The following SLC7A8 variants were observed in gnomAD, a reference collection of about 807,000 sequenced individuals.
The protein encoded by SLC7A8 is large neutral amino acids transporter small subunit 2.
Under a neutral mutation model 51.2 loss-of-function variants are expected in SLC7A8, and 30 were observed. That is an observed-to-expected ratio of 0.59 (90% CI 0.44 to 0.80). SLC7A8 has a LOEUF of 0.80. Ranked by LOEUF, SLC7A8 falls within the 30% of genes least tolerant of loss-of-function variation. SLC7A8 has a pLI of 0.00. For missense variants in SLC7A8, 612 were observed against 674.4 expected, an observed-to-expected ratio of 0.91 and a Z score of 1.03; for synonymous variants, 257 against 275.8, an observed-to-expected ratio of 0.93 and a Z score of 0.67.
intron 3 of SLC7A8, among the ~76,000 whole-genome samples, chr14:23,156,019 A>G (rs2048890116): frequency 6.8e-6 from 1 of 147,940 alleles, no homozygotes; most frequent in East Asian, 2.0e-4. Context: ...TTTTTTTGAG[A>G]TGGAGTTTCG....
chr14:23,154,167 C>G, intron 3 of SLC7A8: 6 of 832,820 alleles, frequency 7.2e-6, no homozygotes, highest in Non-Finnish European at 8.8e-6. Context: ...GCAAAACAGG[C>G]ACCTTTCTGG....
At chr14:23,152,071 A>G (rs1425454936) in intron 3 of SLC7A8, among the ~76,000 whole-genome samples, 3 of 152,016 alleles carry the variant, frequency 2.0e-5, no homozygotes, top group East Asian at 3.9e-4. Flanking sequence ...ACAAAACAAA[A>G]GCAAAGAAAA....
chr14:23,167,724 C>A (rs1310822757), intron 1 of SLC7A8, among the ~76,000 whole-genome samples: 1 of 152,050 alleles, frequency 6.6e-6, no homozygotes, highest in Non-Finnish European at 1.5e-5. Context: ...CTGCTAAATG[C>A]CTGAGGAAAG....
intron 5 of SLC7A8, among the ~76,000 whole-genome samples, chr14:23,139,994 G>A (rs567283507): frequency 1.3e-5 from 2 of 152,080 alleles, no homozygotes; most frequent in Non-Finnish European, 2.9e-5. Flanking sequence ...GTGACAGGGT[G>A]AGACCCTGTC....
intron 1 of SLC7A8, among the ~76,000 whole-genome samples, chr14:23,178,901 A>AG: frequency 6.6e-6 from 1 of 151,092 alleles, no homozygotes; most frequent in East Asian, 1.9e-4. Context: ...AAAAAAAAAA[A>AG]AAAAAAAATG....
chr14:23,169,815 G>C (rs1282502505), intron 1 of SLC7A8, among the ~76,000 whole-genome samples: 1 of 152,194 alleles, frequency 6.6e-6, no homozygotes, highest in Non-Finnish European at 1.5e-5. Context: ...AAGAAACTGA[G>C]ACCTAGAAAG....
intron 1 of SLC7A8, among the ~76,000 whole-genome samples, chr14:23,175,214 G>GTGTT (rs772359532): frequency 1.0e-3 from 152 of 152,176 alleles, no homozygotes; most frequent in African/African-American, 3.2e-3. Context: ...GTGGTGTTTT[G>GTGTT]TGTTTGTTTG....
At chr14:23,163,209 G>A (rs1170525848) in intron 3 of SLC7A8, among the ~76,000 whole-genome samples, 1 of 152,120 alleles carries the variant, frequency 6.6e-6, no homozygotes, top group Admixed American at 6.6e-5. Context: ...CTGTGCTGAG[G>A]GTGTCCCCTT....
chr14:23,137,512 G>A (rs2048701547), intron 7 of SLC7A8, among the ~76,000 whole-genome samples: 1 of 152,152 alleles, frequency 6.6e-6, no homozygotes, highest in Non-Finnish European at 1.5e-5. Context: ...CTCCCTCTTG[G>A]TCCCTTTCCA....
intron 3 of SLC7A8, among the ~76,000 whole-genome samples, chr14:23,163,569 G>A (rs2048934809): frequency 6.6e-6 from 1 of 152,176 alleles, no homozygotes; most frequent in Admixed American, 6.5e-5. Flanking sequence ...TGCCTGCCCT[G>A]TAAGAGGCTA....
chr14:23,152,267 C>G (rs1181233944), intron 3 of SLC7A8, among the ~76,000 whole-genome samples: 2 of 150,064 alleles, frequency 1.3e-5, no homozygotes, highest in African/African-American at 4.9e-5. Flanking sequence ...GTAGCTGGGA[C>G]CACAGGCATG....
chr14:23,133,112 T>G (rs528929124), intron 7 of SLC7A8, among the ~76,000 whole-genome samples: 57 of 152,208 alleles, frequency 3.7e-4, no homozygotes, highest in African/African-American at 1.2e-3. Flanking sequence ...ACTTAAAAAT[T>G]TATATCCTGT....
chr14:23,176,564 G>C (rs551225605), intron 1 of SLC7A8, among the ~76,000 whole-genome samples: 18 of 152,174 alleles, frequency 1.2e-4, no homozygotes, highest in Admixed American at 1.2e-3. Context: ...CATTTTTAAC[G>C]TACAGGTAAT....
At chr14:23,142,234 C>T (rs1000087111) in intron 4 of SLC7A8, among the ~76,000 whole-genome samples, 5 of 152,154 alleles carry the variant, frequency 3.3e-5, no homozygotes, top group Admixed American at 1.3e-4. Context: ...GAGGCAGTGA[C>T]GCTGGGCAGA....
intron 3 of SLC7A8, among the ~76,000 whole-genome samples, chr14:23,164,717 TGA>T (rs2140334225): frequency 6.6e-6 from 1 of 151,748 alleles, no homozygotes; most frequent in Admixed American, 6.6e-5. Context: ...GGAGGCAGGG[TGA>T]GGTGGGTCAG....
In SLC7A8 at chr14:23,182,960, A is replaced by G. The variant is rs369918556; in HGVS notation, c.-46T>C. On this transcript the variant is annotated 5_prime_UTR_variant, in exon 1 of 11. Coordinates refer to ENST00000316902, the MANE Select transcript of SLC7A8 (RefSeq NM_012244.4). ...CCTCAAAAGCTGCCTCCCTTTCTAA[A>G]TGCGTATTCGTGTAAATATATTGGG... 1 of 1,612,586 alleles carries G rather than the reference A, an allele frequency of 6.2e-7. No homozygotes were observed. The highest frequency in any genetic ancestry group is 8.5e-7 in the Non-Finnish European group (1 of 1,179,108).
At position 23,135,856 on chromosome 14, in the gene SLC7A8, A is replaced by G. The variant is rs78475720; in HGVS notation, c.1016+2065T>C. 1.3e-3 allele frequency among the ~76,000 whole-genome samples: 198 copies of G among 152,334 alleles called. 4 individuals are homozygous for G. The East Asian group carries it at 0.031, about 24-fold the overall frequency. On this transcript the variant is annotated intron_variant, in intron 7 of 10. Coordinates refer to ENST00000316902, the MANE Select transcript of SLC7A8 (RefSeq NM_012244.4). ...CATCATCTGTAGCTTGAAAATATGTACATCTATTATATACATATGAATATG... is the reference window on the plus strand; with the variant it reads ...CATCATCTGTAGCTTGAAAATATGTGCATCTATTATATACATATGAATATG...
At chr14:23,127,906 G>C in intron 10 of SLC7A8, 113 bp downstream of exon 10, 1 of 891,744 alleles carries the variant, frequency 1.1e-6, no homozygotes. Flanking sequence ...TCTGTGGACT[G>C]AGGAGAAGGT....
At chr14:23,153,109 C>T (rs1266777603) in intron 3 of SLC7A8, among the ~76,000 whole-genome samples, 1 of 152,040 alleles carries the variant, frequency 6.6e-6, no homozygotes, top group African/African-American at 2.4e-5. Context: ...AGACCCAGAA[C>T]CTCATTTTAT....
Sources: gnomAD v4.1 joint callset for allele counts (sites outside exome capture counted in the v4.1 genomes callset) on GRCh38, gnomAD v4.1.1 for gene constraint, MANE v1.5 for transcripts, NCBI Gene and HGNC (gene_info 2026-07-23, HGNC 2026-07-21) for gene names.